Variants in FAM241A observed in about 807,000 individuals in gnomAD.
FAM241A encodes uncharacterized protein FAM241A.
A neutral mutation model predicts 12.2 loss-of-function variants in FAM241A; 7 were observed. That is an observed-to-expected ratio of 0.58 (90% CI 0.33 to 1.08). The LOEUF (loss-of-function observed/expected upper bound fraction) is 1.08. FAM241A is among the 50% of genes least tolerant of loss of function. The pLI is 0.04. For synonymous variants in FAM241A, 74 were observed against 68.2 expected (o/e 1.08, Z -0.42); for missense variants, 161 against 169.7 (o/e 0.95, Z 0.29).
intron 1 of FAM241A, among the ~76,000 whole-genome samples, chr4:112,167,089 G>A (rs1339658673): frequency 7.0e-6 from 1 of 142,562 alleles, no homozygotes; most frequent in African/African-American, 2.7e-5. Flanking sequence ...ACTCCAGCCT[G>A]GGCGACAGAG....
rs1322450141 is a variant in FAM241A at position 112,145,617 on chromosome 4, G to T, written c.37G>T (p.Gly13Cys). The T allele has an allele frequency of 8.1e-7, 1 of 1,232,496 alleles. No individual in the cohort carries two copies. The highest frequency in any genetic ancestry group is 3.2e-5 in the East Asian group (1 of 31,536). 76.3% of individuals were successfully genotyped at this position (1,232,496 alleles called of 1,614,324 possible). ...SAGELLRGGD[G>C]GERDEDGDAL... ...CGGGGAGCTGCTGCGGGGCGGCGACGGCGGGGAACGCGACGAGGACGGGGA... is the reference window on the plus strand; with the variant it reads ...CGGGGAGCTGCTGCGGGGCGGCGACTGCGGGGAACGCGACGAGGACGGGGA... Residue 13 changes from glycine (G) to cysteine (C), a missense_variant, in exon 1 of 2, where the codon GGC becomes TGC. Transcript: ENST00000309733.
At chr4:112,164,840 G>A (rs113032520) in intron 1 of FAM241A, among the ~76,000 whole-genome samples, 14,055 of 152,230 alleles carry the variant, frequency 0.092, 797 homozygotes, top group African/African-American at 0.15. Flanking sequence ...GCCAGGTGCC[G>A]TGGCTCACGC....
chr4:112,163,838 G>A (rs1456333369), intron 1 of FAM241A, among the ~76,000 whole-genome samples: 2 of 151,820 alleles, frequency 1.3e-5, no homozygotes, highest in Non-Finnish European at 2.9e-5. Flanking sequence ...TATAAATCAT[G>A]CTGCTATAAA....
intron 1 of FAM241A, among the ~76,000 whole-genome samples, chr4:112,169,302 T>G (rs1255599343): frequency 6.6e-6 from 1 of 152,184 alleles, no homozygotes; most frequent in Non-Finnish European, 1.5e-5. Flanking sequence ...CGTTTTGTCC[T>G]AAAAGGAAGT....
chr4:112,182,578 A>G (rs1454498341), intron 1 of FAM241A, among the ~76,000 whole-genome samples: 1 of 152,150 alleles, frequency 6.6e-6, no homozygotes. Flanking sequence ...ATAACCGTGC[A>G]GGCCTTTACC....
At chr4:112,151,004 A>T (rs1195705170) in intron 1 of FAM241A, among the ~76,000 whole-genome samples, 1 of 152,238 alleles carries the variant, frequency 6.6e-6, no homozygotes, top group Non-Finnish European at 1.5e-5. Flanking sequence ...CTGCAATTAG[A>T]AAACCACCTG....
At chr4:112,179,466 C>A (rs961018334) in intron 1 of FAM241A, among the ~76,000 whole-genome samples, 2 of 151,890 alleles carry the variant, frequency 1.3e-5, no homozygotes, top group African/African-American at 4.8e-5. Flanking sequence ...GGACAAAAAA[C>A]CAAACACCGC....
chr4:112,180,200 T>C (rs1034662123), intron 1 of FAM241A, among the ~76,000 whole-genome samples: 2 of 151,798 alleles, frequency 1.3e-5, no homozygotes, highest in Non-Finnish European at 2.9e-5. Flanking sequence ...TGGGGACTAC[T>C]GGAGGGTGGA....
chr4:112,153,198 A>C (rs4147393), intron 1 of FAM241A, among the ~76,000 whole-genome samples: 4,510 of 152,260 alleles, frequency 0.03, 182 homozygotes, highest in East Asian at 0.16. Flanking sequence ...TTTTATGTAG[A>C]TCTCTAGTTG....
At chr4:112,165,061 A>AC (rs1335477360) in intron 1 of FAM241A, among the ~76,000 whole-genome samples, 1 of 152,360 alleles carries the variant, frequency 6.6e-6, no homozygotes, top group African/African-American at 2.4e-5. Flanking sequence ...TGATCGCACC[A>AC]CCGCACTCCA....
intron 1 of FAM241A, among the ~76,000 whole-genome samples, chr4:112,179,943 A>ATATGTATATG (rs1553921438): frequency 1.5e-4 from 19 of 129,512 alleles, no homozygotes; most frequent in Non-Finnish European, 2.7e-4. Context: ...ATATATGTAT[A>ATATGTATATG]TGTGTGTGTG....
In FAM241A at chr4:112,193,690, G is replaced by T. The variant is rs191556765; in HGVS notation, c.*6752G>T. On this transcript the variant is annotated 3_prime_UTR_variant, in exon 2 of 2. Transcript: ENST00000309733. ...CGGCGTTATTTCTGAGGGCTCTTTT[G>T]TGTTCCATTGATCTATATCTCTGTT... is the stretch of plus-strand genomic sequence containing the variant. 4.6e-5 allele frequency: 7 copies of T among 152,146 alleles called. No individual in the cohort carries two copies. In the East Asian group the frequency reaches 5.8e-4, roughly 13 times the overall value. 9.4% of individuals were successfully genotyped at this position (152,146 alleles called of 1,614,324 possible).
chr4:112,186,866 G>C lies in FAM241A; in HGVS notation c.327G>C (p.Leu109=), dbSNP rs923640375. ...TAGTCATTTTCTTTTGGGTTATGCTGTGGTTCCTTGGCCTGCAAGCCCTTG... is the reference window on the plus strand; with the variant it reads ...TAGTCATTTTCTTTTGGGTTATGCTCTGGTTCCTTGGCCTGCAAGCCCTTG... ...PVIVIFFWVM[L]WFLGLQALGL... The change falls in exon 2 of 2, where the codon CTG becomes CTC. Residue 109 remains leucine, a synonymous_variant. Coordinates refer to ENST00000309733, the MANE Select transcript of FAM241A (RefSeq NM_152400.3). 1 of 1,614,090 alleles carries C rather than the reference G, an allele frequency of 6.2e-7. No homozygotes were observed. The highest frequency in any genetic ancestry group is 8.5e-7 in the Non-Finnish European group (1 of 1,179,988).
At chr4:112,186,496 A>G (rs1353348309) in intron 1 of FAM241A, among the ~76,000 whole-genome samples, 197 bp from the exon 2 acceptor site, 4 of 152,212 alleles carry the variant, frequency 2.6e-5, no homozygotes, top group Non-Finnish European at 5.9e-5. Flanking sequence ...AAATACAAAC[A>G]TGATTCTTCA....
At chr4:112,163,924 C>G (rs1382885354) in intron 1 of FAM241A, among the ~76,000 whole-genome samples, 1 of 152,184 alleles carries the variant, frequency 6.6e-6, no homozygotes, top group African/African-American at 2.4e-5. Context: ...CCATGGAATA[C>G]TATGCAGCCA....
rs1724077118 is a variant in FAM241A, at chr4:112,187,807, A to G, written c.*869A>G. 1 of 152,422 alleles carries G rather than the reference A, an allele frequency of 6.6e-6. No individual in the cohort carries two copies. Among genetic ancestry groups the G allele is most frequent in the Admixed American group, 6.5e-5 (1 of 15,268 alleles). 9.4% of individuals were successfully genotyped at this position (152,422 alleles called of 1,614,324 possible). ...TTTATAATTTTATAGTTCTTTCATA[A>G]CACTTATTCTGAGTTTTGAAACAAT... On this transcript the variant is annotated 3_prime_UTR_variant, in exon 2 of 2. Coordinates refer to ENST00000309733, the MANE Select transcript of FAM241A (RefSeq NM_152400.3).
chr4:112,173,070 G>C (rs909665269), intron 1 of FAM241A, among the ~76,000 whole-genome samples: 1 of 151,966 alleles, frequency 6.6e-6, no homozygotes, highest in Non-Finnish European at 1.5e-5. Context: ...GTATTTTTTT[G>C]TAGAGTCAGG....
At chr4:112,163,380 G>T (rs935211424) in intron 1 of FAM241A, among the ~76,000 whole-genome samples, 3 of 152,108 alleles carry the variant, frequency 2.0e-5, no homozygotes, top group Non-Finnish European at 2.9e-5. Flanking sequence ...GCAACCTACA[G>T]AATGGGAGAA....
In FAM241A at chr4:112,187,930, C is replaced by T. The variant is rs908011531; in HGVS notation, c.*992C>T. The T allele has an allele frequency of 6.6e-6, 1 of 151,908 alleles. No individual in the cohort carries two copies. The highest frequency in any genetic ancestry group is 2.4e-5 in the African/African-American group (1 of 41,364). The allele number at this position is 151,908 out of a possible 1,614,324, so 9.4% of individuals were successfully genotyped here. ...GATCATTTTTCTTTGATATCTATAT[C>T]AGAAAGGTACAATATTAACAGTATA... On this transcript the variant is annotated 3_prime_UTR_variant, in exon 2 of 2. Transcript: ENST00000309733.
Sources: gnomAD v4.1 joint callset for allele counts (sites outside exome capture counted in the v4.1 genomes callset) on GRCh38, gnomAD v4.1.1 for gene constraint, MANE v1.5 for transcripts, NCBI Gene and HGNC (gene_info 2026-07-23, HGNC 2026-07-21) for gene names.